Variants in FOXO1 observed in about 807,000 individuals in gnomAD.
FOXO1 encodes the protein forkhead box protein O1.
In FOXO1, 6 loss-of-function variants were observed where a neutral mutation model predicts 44.1. The ratio of observed to expected loss-of-function variants is 0.14; its 90% CI spans 0.07 to 0.27. The LOEUF is 0.27. Ranked by LOEUF, FOXO1 falls within the 10% of genes least tolerant of loss-of-function variation. FOXO1 has a pLI of 1.00. For missense variants in FOXO1, 737 were observed against 888.8 expected, an observed-to-expected ratio of 0.83 and a Z score of 2.17; for synonymous variants, 380 against 362.7, an observed-to-expected ratio of 1.05 and a Z score of -0.54.
At chr13:40,610,970 C>T (rs755695515) in intron 1 of FOXO1, 14 of 426,248 alleles carry the variant, frequency 3.3e-5, no homozygotes, top group Non-Finnish European at 6.1e-5. Flanking sequence ...TTAAAAACCA[C>T]ATGTATCTAT....
chr13:40,611,184 C>T (rs543352028), intron 1 of FOXO1: 221 of 351,336 alleles, frequency 6.3e-4, no homozygotes, highest in African/African-American at 4.4e-3. Context: ...TTTGTTCTAC[C>T]CTGTTACATA....
chr13:40,597,196 TC>T (rs1442601805), intron 1 of FOXO1, among the ~76,000 whole-genome samples: 3 of 151,022 alleles, frequency 2.0e-5, no homozygotes, highest in African/African-American at 7.3e-5. Context: ...ATCTAGTCTT[TC>T]CTTATACATT....
chr13:40,575,228 C>T (rs1874699231), intron 1 of FOXO1, among the ~76,000 whole-genome samples: 1 of 151,692 alleles, frequency 6.6e-6, no homozygotes, highest in African/African-American at 2.4e-5. Flanking sequence ...GTAGTCCCAG[C>T]AACACAGAAG....
At chr13:40,643,241 CTG>C (rs1877408517) in intron 1 of FOXO1, among the ~76,000 whole-genome samples, 1 of 151,218 alleles carries the variant, frequency 6.6e-6, no homozygotes, top group South Asian at 2.1e-4. Flanking sequence ...ACTCAGGACA[CTG>C]AGGTGGGAGA....
chr13:40,645,892 T>C (rs578048175), intron 1 of FOXO1, among the ~76,000 whole-genome samples: 2 of 151,732 alleles, frequency 1.3e-5, no homozygotes, highest in Admixed American at 1.3e-4. Context: ...CATGGAGAAA[T>C]CCTGTCTCTA....
chr13:40,594,619 G>C (rs1875508362), intron 1 of FOXO1, among the ~76,000 whole-genome samples: 1 of 152,210 alleles, frequency 6.6e-6, no homozygotes, highest in South Asian at 2.1e-4. Flanking sequence ...GATGAAGGCA[G>C]GGGAGAAGGC....
chr13:40,576,993 T>A (rs529318805), intron 1 of FOXO1, among the ~76,000 whole-genome samples: 2 of 152,226 alleles, frequency 1.3e-5, no homozygotes, highest in Non-Finnish European at 2.9e-5. Context: ...AATAATGGCC[T>A]ACAATGTAAC....
chr13:40,628,253 G>A (rs1316421904), intron 1 of FOXO1, among the ~76,000 whole-genome samples: 3 of 151,674 alleles, frequency 2.0e-5, no homozygotes, highest in African/African-American at 4.9e-5. Flanking sequence ...GTTCGTTCTC[G>A]AGCGTGGTGA....
intron 1 of FOXO1, chr13:40,619,809 C>T: frequency 1.3e-6 from 1 of 773,404 alleles, no homozygotes; most frequent in Non-Finnish European, 2.4e-6. Flanking sequence ...GCACTAATTT[C>T]AGTAGTCACA....
intron 1 of FOXO1, among the ~76,000 whole-genome samples, chr13:40,644,661 T>C (rs1276190307): frequency 6.6e-6 from 1 of 152,180 alleles, no homozygotes; most frequent in South Asian, 2.1e-4. Context: ...CCCGGTTTGA[T>C]TGGGTCAAAC....
At chr13:40,648,695 A>G (rs1425280228) in intron 1 of FOXO1, among the ~76,000 whole-genome samples, 3 of 152,214 alleles carry the variant, frequency 2.0e-5, no homozygotes, top group African/African-American at 7.2e-5. Flanking sequence ...GAAGGATGTC[A>G]AATTCCCAGG....
intron 1 of FOXO1, among the ~76,000 whole-genome samples, chr13:40,611,304 G>A (rs1876219200): frequency 6.6e-6 from 1 of 152,138 alleles, no homozygotes; most frequent in Non-Finnish European, 1.5e-5. Flanking sequence ...CCTATGGTGG[G>A]TTCAGACATT....
chr13:40,587,632 C>T (rs988121711), intron 1 of FOXO1, among the ~76,000 whole-genome samples: 2 of 152,210 alleles, frequency 1.3e-5, no homozygotes, highest in African/African-American at 2.4e-5. Flanking sequence ...ACCTAAAGCA[C>T]GGCTCAAGTG....
chr13:40,630,479 C>A (rs964021915), intron 1 of FOXO1, among the ~76,000 whole-genome samples: 2 of 152,006 alleles, frequency 1.3e-5, no homozygotes, highest in African/African-American at 2.4e-5. Flanking sequence ...CATGGTGAAA[C>A]CCCGTGTCCA....
At chr13:40,621,246 C>T in intron 1 of FOXO1, 1 of 763,026 alleles carries the variant, frequency 1.3e-6, no homozygotes, top group Non-Finnish European at 2.1e-6. Flanking sequence ...ACCTTGCAGG[C>T]ATGAATTTCA....
At position 40,635,066 on chromosome 13, in the gene FOXO1, CAT is replaced by C. The variant is rs36052167; in HGVS notation, c.630+30515_630+30516del. ...AAAATCTAAACCTCTAAACCCAACT[CAT>C]ATCATTTACAATTCATAAGCAATCA... On this transcript the variant is annotated intron_variant, in intron 1 of 2. Transcript: ENST00000379561. Among the ~76,000 whole-genome samples the C allele has an allele frequency of 4.4e-3, 676 of 152,294 alleles. 2 individuals are homozygous for C. Among genetic ancestry groups the C allele is most frequent in the Non-Finnish European group, 7.4e-3 (503 of 68,020 alleles).
intron 2 of FOXO1, among the ~76,000 whole-genome samples, 166 bp downstream of exon 2, chr13:40,559,342 AG>A (rs1201811804): frequency 1.3e-5 from 2 of 152,224 alleles, no homozygotes; most frequent in Non-Finnish European, 2.9e-5. Context: ...TAAGCTCAGA[AG>A]GAAAACTGTA....
At position 40,560,292 on chromosome 13, in the gene FOXO1, T is replaced by A; in HGVS notation, c.1199A>T (p.Gln400Leu). The change falls in exon 2 of 3, where the codon CAG (glutamine) becomes CTG (leucine). Residue 400 changes from glutamine to leucine, a missense_variant. This residue lies in a region of FOXO1 where 283 missense variants were observed against 278.1 expected (regional missense o/e 1.02). Coordinates refer to ENST00000379561, the MANE Select transcript of FOXO1 (RefSeq NM_002015.4). The surrounding 1 kb of genome is among the most constrained non-coding windows in gnomAD (Gnocchi z 5.1). ...STQSSPGTMM[Q>L]QTPCYSFAPP... ...CGCAAACGAGTAGCACGGCGTCTGC[T>A]GCATCATGGTGCCAGGTGAGGACTG... The A allele has an allele frequency of 6.2e-7, 1 of 1,614,180 alleles. No homozygotes were observed. The highest frequency in any genetic ancestry group is 1.7e-5 in the Admixed American group (1 of 60,026).
At chr13:40,659,744 T>C (rs578091871) in intron 1 of FOXO1, among the ~76,000 whole-genome samples, 1 of 152,236 alleles carries the variant, frequency 6.6e-6, no homozygotes, top group Admixed American at 6.5e-5. Flanking sequence ...TAGATTCAAC[T>C]ATTGGCGGTG....
Sources: allele counts gnomAD v4.1 joint callset (sites outside exome capture counted in the v4.1 genomes callset), GRCh38; gene constraint gnomAD v4.1.1; regional missense constraint gnomAD v4.1.1; non-coding constraint Gnocchi (gnomAD v3.1); transcripts MANE v1.5; gene names NCBI Gene and HGNC (gene_info 2026-07-23, HGNC 2026-07-21).